Variants in ASPDH observed in about 807,000 individuals in gnomAD.
ASPDH encodes aspartate dehydrogenase domain-containing protein.
A neutral mutation model predicts 30.5 loss-of-function variants in ASPDH; 25 were observed. The observed-to-expected ratio is 0.82, with a 90% CI of 0.60 to 1.14. The LOEUF (loss-of-function observed/expected upper bound fraction) is 1.14, where lower values mean the gene tolerates loss of function less well. Ranked by LOEUF, ASPDH falls within the 50% of genes most tolerant of loss-of-function variation. The probability of loss-of-function intolerance (pLI) is 0.00; values close to 1 mark genes in which losing one functional copy is unlikely to be tolerated. For missense variants in ASPDH, 401 were observed against 381.5 expected (o/e 1.05, Z -0.43); for synonymous variants, 168 against 156.3 (o/e 1.07, Z -0.56).
At position 50,513,820 on chromosome 19, in the gene ASPDH, C is replaced by T; in HGVS notation, c.4G>A (p.Ala2Thr). The change falls in exon 1 of 7, where the codon GCC becomes ACC. Residue 2 changes from alanine (A) to threonine (T), a missense_variant. By Grantham distance (58) the Ala-to-Thr change is moderately conservative (BLOSUM62 0). Transcript: ENST00000389208. This position sits in a 1 kb window ranked among gnomAD's most constrained non-coding sequence, Gnocchi z 4.9. Reference protein sequence around the residue: MADRGPWRVGVV... With the variant: MTDRGPWRVGVV... ...CCCACCCTCCACGGGCCCCTGTCGG[C>T]CATGGCCCTGAGTGCGGTGTCTGGG... is the stretch of plus-strand genomic sequence containing the variant. 6.4e-7 allele frequency: 1 copy of T among 1,550,468 alleles called. No individual in the cohort carries two copies. Among genetic ancestry groups the T allele is most frequent in the Non-Finnish European group, 8.7e-7 (1 of 1,146,742 alleles).
rs1323071744 is a variant in ASPDH, at chr19:50,512,262, C to A, written c.682G>T (p.Glu228Ter). 1.7e-5 allele frequency: 27 copies of A among 1,613,356 alleles called. No individual in the cohort carries two copies. Among genetic ancestry groups the A allele is most frequent in the Non-Finnish European group, 2.2e-5 (26 of 1,179,912 alleles). Reference protein sequence around the residue: ...SLTDMHVVDVELSGPRGPTGR... With the variant: ...SLTDMHVVDV ...GTGGGGCCCCGGGGTCCGCTCAGCT[C>A]TACATCCACCACGTGCATGTCCGTG... Residue 228 changes from glutamate to a stop codon, truncating the protein, a stop_gained, in exon 6 of 7, where the codon GAG becomes TAG. Coordinates refer to ENST00000389208, the MANE Select transcript of ASPDH (RefSeq NM_001114598.2). LOFTEE classifies it high-confidence loss of function.
chr19:50,512,801 G>C lies in ASPDH; in HGVS notation c.292C>G (p.Pro98Ala). The change falls in exon 4 of 7, where the codon CCC (proline) becomes GCC (alanine). Residue 98 changes from proline (P) to alanine (A), a missense_variant. Physicochemically the swap from Pro to Ala is conservative, Grantham distance 27 (BLOSUM62 -1). Transcript: ENST00000389208. ...LRHANLLVGS[P>A]SALSDQTTER... Reference sequence around the variant, plus strand: ...GTGGTCTGGTCACTTAGAGCTGAGGGGGACCCCACCTGGGGTGGATGAAGG... The same window carrying C: ...GTGGTCTGGTCACTTAGAGCTGAGGCGGACCCCACCTGGGGTGGATGAAGG... 1.9e-6 allele frequency: 3 copies of C among 1,595,842 alleles called. No individual in the cohort carries two copies. The highest frequency in any genetic ancestry group is 2.6e-6 in the Non-Finnish European group (3 of 1,171,138).
At position 50,513,193 on chromosome 19, in the gene ASPDH, C is replaced by T; in HGVS notation, c.197+79G>A. 1.5e-6 allele frequency: 2 copies of T among 1,373,774 alleles called. No individual in the cohort carries two copies. Among genetic ancestry groups the T allele is most frequent in the East Asian group, 5.2e-5 (2 of 38,582 alleles). The allele number at this position is 1,373,774 out of a possible 1,614,324, so 85.1% of individuals were successfully genotyped here. A position where few individuals can be genotyped will look rare whatever the true frequency, so the allele number is the denominator to read the frequency against. On this transcript the variant is annotated intron_variant, in intron 2 of 6. Coordinates refer to ENST00000389208, the MANE Select transcript of ASPDH (RefSeq NM_001114598.2). This position sits in a 1 kb window ranked among gnomAD's most constrained non-coding sequence, Gnocchi z 4.9. ...CAAGGCCCAGAGAGGGTCAGGGAAC[C>T]CCTGAGATCACACAGTGGCTAAGAG...
Position 50,512,977 on chromosome 19 carries a change from T to G in ASPDH, c.232A>C (p.Lys78Gln). Residue 78 changes from lysine (K) to glutamine (Q), a missense_variant, in exon 3 of 7, where the codon AAA (lysine) becomes CAA (glutamine). Coordinates refer to ENST00000389208, the MANE Select transcript of ASPDH (RefSeq NM_001114598.2). ...PDLVVEVAHP[K>Q]IIHESGAQIL... ...TGTGCCCCAGATTCATGGATTATTT[T>G]GGGATGGGCCACTTCCACAACCAGA... The G allele has an allele frequency of 6.2e-7, 1 of 1,613,650 alleles. No individual in the cohort carries two copies. Among genetic ancestry groups the G allele is most frequent in the Non-Finnish European group, 8.5e-7 (1 of 1,179,830 alleles).
chr19:50,511,842 G>A (rs73062136), intron 6 of ASPDH, 69 bp from the exon 7 acceptor site: 63,157 of 1,097,040 alleles, frequency 0.058, 2,559 homozygotes, highest in Non-Finnish European at 0.062. Flanking sequence ...GGGGGAGGCA[G>A]TGGTGGGAGG....
chr19:50,513,031 G>A lies in ASPDH; in HGVS notation c.198-20C>T, dbSNP rs1980053251. On this transcript the variant is annotated intron_variant, in intron 2 of 6. Coordinates refer to ENST00000389208, the MANE Select transcript of ASPDH (RefSeq NM_001114598.2). The surrounding 1 kb of genome is among the most constrained non-coding windows in gnomAD (Gnocchi z 4.9). ...GGGCGCCTGGGAGAGGGGAAAGAGGGCGGAGGGTCTTGGAGAGGTATTAGG... is the reference window on the plus strand; with the variant it reads ...GGGCGCCTGGGAGAGGGGAAAGAGGACGGAGGGTCTTGGAGAGGTATTAGG... 1 of 1,592,502 alleles carries A rather than the reference G, an allele frequency of 6.3e-7. No individual in the cohort carries two copies. Among genetic ancestry groups the A allele is most frequent in the Non-Finnish European group, 8.6e-7 (1 of 1,162,684 alleles).
In ASPDH at chr19:50,512,999, C is replaced by G; in HGVS notation, c.210G>C (p.Leu70=). 6.2e-7 allele frequency: 1 copy of G among 1,613,358 alleles called. No homozygotes were observed. Among genetic ancestry groups the G allele is most frequent in the African/African-American group, 1.3e-5 (1 of 75,038 alleles). The change falls in exon 3 of 7, where the codon CTG becomes CTC. Residue 70 remains leucine (L), a synonymous_variant. Transcript: ENST00000389208. ...LAALGERRPD[L]VVEVAHPKII... Reference sequence around the variant, plus strand: ...TTTTGGGATGGGCCACTTCCACAACCAGATCAGGGCGCCTGGGAGAGGGGA... The same window carrying G: ...TTTTGGGATGGGCCACTTCCACAACGAGATCAGGGCGCCTGGGAGAGGGGA...
At chr19:50,513,993 G>C (rs995863210), upstream of ASPDH, 6 of 747,236 alleles carry the variant, frequency 8.0e-6, no homozygotes, top group African/African-American at 7.1e-5. The surrounding 1 kb of genome is among the most constrained non-coding windows in gnomAD (Gnocchi z 4.9). Context: ...GAGTGGAGGC[G>C]GGAGAACCCT....
chr19:50,514,875 A>G (rs140898497), upstream of ASPDH: 1,988 of 984,934 alleles, frequency 2.0e-3, 37 homozygotes, highest in African/African-American at 0.032. Flanking sequence ...ACGCGGGCAG[A>G]CAGAGAGGGG....
At chr19:50,514,157 G>A (rs1247402847), upstream of ASPDH, among the ~76,000 whole-genome samples, 3 of 152,136 alleles carry the variant, frequency 2.0e-5, no homozygotes, top group Non-Finnish European at 4.4e-5. Context: ...CCCCCTCTCT[G>A]GCCGGCCAGG....
At position 50,513,117 on chromosome 19, in the gene ASPDH, G is replaced by A; in HGVS notation, c.198-106C>T. ...GGGCTGCCCTTCTTCTCCCTGACCT[G>A]GGAGGCGAAATGAGATGAATGGGTT... On this transcript the variant is annotated intron_variant, in intron 2 of 6. Coordinates refer to ENST00000389208, the MANE Select transcript of ASPDH (RefSeq NM_001114598.2). The surrounding 1 kb of genome is among the most constrained non-coding windows in gnomAD (Gnocchi z 4.9). 1 of 1,292,164 alleles carries A rather than the reference G, an allele frequency of 7.7e-7. No homozygotes were observed. 80.0% of individuals were successfully genotyped at this position (1,292,164 alleles called of 1,614,324 possible).
Position 50,512,883 on chromosome 19 carries a change from C to CAGA in ASPDH, c.282+41_282+43dup, listed in dbSNP as rs145815203. The stretch of plus-strand genomic sequence containing the variant: ...ACTTCAGGGTGGGGTGAGACCAAGA[C>CAGA]AGAAGGGGCAGGGCTCTGCGTAAAT... On this transcript the variant is annotated intron_variant, in intron 3 of 6. Transcript: ENST00000389208. The CAGA allele has an allele frequency of 5.4e-4, 861 of 1,602,362 alleles. 2 individuals carry two copies. In the African/African-American group the frequency reaches 8.2e-3, roughly 15 times the overall value.
In ASPDH at chr19:50,512,981, A is replaced by T; in HGVS notation, c.228T>A (p.His76Gln). 6.2e-7 allele frequency: 1 copy of T among 1,613,664 alleles called. No individual in the cohort carries two copies. Among genetic ancestry groups the T allele is most frequent in the African/African-American group, 1.3e-5 (1 of 75,022 alleles). Residue 76 changes from histidine to glutamine, a missense_variant, in exon 3 of 7, where the codon CAT (histidine) becomes CAA (glutamine). Physicochemically the swap from His to Gln is conservative, Grantham distance 24. Transcript: ENST00000389208. ...CCCCAGATTCATGGATTATTTTGGG[A>T]TGGGCCACTTCCACAACCAGATCAG... ...RRPDLVVEVA[H>Q]PKIIHESGAQ...
At position 50,513,471 on chromosome 19, in the gene ASPDH, CAGAG is replaced by C; in HGVS notation, c.53-59_53-56del. Reference sequence around the variant, plus strand: ...ATCCAGAGAGAGGGGGACAGAGACCCAGAGAGAGAGGAGGTGGGGACAGAGACCC... The same window carrying C: ...ATCCAGAGAGAGGGGGACAGAGACCCAGAGAGGAGGTGGGGACAGAGACCC... On this transcript the variant is annotated intron_variant, in intron 1 of 6. Transcript: ENST00000389208. This position sits in a 1 kb window ranked among gnomAD's most constrained non-coding sequence, Gnocchi z 4.9. 1 of 1,435,712 alleles carries C rather than the reference CAGAG, an allele frequency of 7.0e-7. No individual in the cohort carries two copies. Among genetic ancestry groups the C allele is most frequent in the Non-Finnish European group, 9.2e-7 (1 of 1,090,280 alleles). The allele number at this position is 1,435,712 out of a possible 1,614,324, so 88.9% of individuals were successfully genotyped here.
At chr19:50,512,325 G>C in intron 5 of ASPDH, 35 bp from the exon 6 acceptor site, 1 of 1,613,894 alleles carries the variant, frequency 6.2e-7, no homozygotes, top group Non-Finnish European at 8.5e-7. Flanking sequence ...TGGAGAGCCT[G>C]GACTCAGCCC....
chr19:50,513,701 G>A lies in ASPDH; in HGVS notation c.52+71C>T. 1 of 1,193,710 alleles carries A rather than the reference G, an allele frequency of 8.4e-7. No homozygotes were observed. The highest frequency in any genetic ancestry group is 1.2e-6 in the Non-Finnish European group (1 of 828,616). The allele number at this position is 1,193,710 out of a possible 1,614,324, so 73.9% of individuals were successfully genotyped here. A position where few individuals can be genotyped will look rare whatever the true frequency, so the allele number is the denominator to read the frequency against. On this transcript the variant is annotated intron_variant, in intron 1 of 6. Transcript: ENST00000389208. The surrounding 1 kb of genome is among the most constrained non-coding windows in gnomAD (Gnocchi z 4.9). Reference sequence around the variant, plus strand: ...GATAGAGAGAGAAAAAAGTGTTTGTGGAGGGCAGAGAGTCTTGGGAGCTTT... The same window carrying A: ...GATAGAGAGAGAAAAAAGTGTTTGTAGAGGGCAGAGAGTCTTGGGAGCTTT...
At chr19:50,514,872 C>A (rs1980167080), upstream of ASPDH, 1 of 984,944 alleles carries the variant, frequency 1.0e-6, no homozygotes, top group African/African-American at 1.8e-5. Context: ...CAGACGCGGG[C>A]AGACAGAGAG....
chr19:50,512,030 G>A (rs1045324650), intron 6 of ASPDH, 106 bp downstream of exon 6: 48 of 984,974 alleles, frequency 4.9e-5, no homozygotes, highest in Non-Finnish European at 6.4e-5. Flanking sequence ...AAGAAAGAAA[G>A]GTCAACAAAT....
upstream of ASPDH, chr19:50,513,917 C>G: frequency 6.9e-7 from 1 of 1,442,514 alleles, no homozygotes; most frequent in South Asian, 1.4e-5. This position sits in a 1 kb window ranked among gnomAD's most constrained non-coding sequence, Gnocchi z 4.9. Context: ...GACATCTGAC[C>G]CTTGAGCCTC....
Sources: gnomAD v4.1 joint callset for allele counts (sites outside exome capture counted in the v4.1 genomes callset) on GRCh38, gnomAD v4.1.1 for gene constraint, Gnocchi (gnomAD v3.1) non-coding constraint, MANE v1.5 for transcripts, NCBI Gene and HGNC (gene_info 2026-07-23, HGNC 2026-07-21) for gene names.